TPRG1: variants seen among roughly 807,000 people sequenced by gnomAD.
The protein encoded by TPRG1 is tumor protein p63-regulated gene 1 protein.
A neutral mutation model predicts 29.3 loss-of-function variants in TPRG1; 29 were observed. That is an observed-to-expected ratio of 0.99 (90% confidence interval 0.74 to 1.35). TPRG1 has a LOEUF of 1.35. Ranked by LOEUF, TPRG1 falls within the 40% of genes most tolerant of loss-of-function variation. TPRG1 has a pLI of 0.00. For synonymous variants in TPRG1, 130 were observed against 116.8 expected (o/e 1.11, Z -0.73); for missense variants, 327 against 335.0 (o/e 0.98, Z 0.19).
chr3:189,187,279 CG>C (rs1281705587), intron 1 of TPRG1, among the ~76,000 whole-genome samples: 1 of 148,252 alleles, frequency 6.7e-6, no homozygotes, highest in East Asian at 2.0e-4. Context: ...TGAGCCACCC[CG>C]GCCAAGTTCA....
At chr3:189,116,833 GA>G (rs1721233698) in intron 1 of TPRG1, among the ~76,000 whole-genome samples, 1 of 152,168 alleles carries the variant, frequency 6.6e-6, no homozygotes, top group Non-Finnish European at 1.5e-5. Context: ...TAGTTTTCAA[GA>G]TAAAAAGAGT....
intron 1 of TPRG1, among the ~76,000 whole-genome samples, chr3:189,193,370 G>A (rs1308116570): frequency 6.6e-6 from 1 of 151,864 alleles, no homozygotes; most frequent in Non-Finnish European, 1.5e-5. Context: ...TTGACAGTTT[G>A]ACTACACTGT....
At chr3:189,011,924 C>T (rs1184627801) in intron 3 of TPRG1, among the ~76,000 whole-genome samples, 3 of 152,158 alleles carry the variant, frequency 2.0e-5, no homozygotes, top group African/African-American at 7.2e-5. Flanking sequence ...TGTGATTTGG[C>T]TCTCAGCTTG....
intron 4 of TPRG1, among the ~76,000 whole-genome samples, chr3:189,248,580 CT>C (rs1741698609): frequency 6.6e-6 from 1 of 150,898 alleles, no homozygotes; most frequent in Admixed American, 6.6e-5. Flanking sequence ...ATATATTAAG[CT>C]TTCTGACTCT....
intron 4 of TPRG1, among the ~76,000 whole-genome samples, chr3:189,089,952 G>A (rs1366440183): frequency 6.6e-6 from 1 of 151,750 alleles, no homozygotes; most frequent in Non-Finnish European, 1.5e-5. Context: ...GTCTTTTCAA[G>A]GAAGCAGCTA....
At chr3:189,193,142 T>TTTTC (rs922602569) in intron 1 of TPRG1, among the ~76,000 whole-genome samples, 2 of 146,186 alleles carry the variant, frequency 1.4e-5, no homozygotes, top group Non-Finnish European at 3.0e-5. Flanking sequence ...ATTTTTTTTT[T>TTTTC]TTTTTTTTTT....
At chr3:189,017,247 A>G (rs1712991546) in intron 3 of TPRG1, among the ~76,000 whole-genome samples, 1 of 149,136 alleles carries the variant, frequency 6.7e-6, no homozygotes, top group Admixed American at 6.7e-5. Flanking sequence ...ATATTATTAT[A>G]CTTTAAGTTT....
chr3:189,052,457 A>G (rs373049939), intron 4 of TPRG1, among the ~76,000 whole-genome samples: 4 of 152,182 alleles, frequency 2.6e-5, no homozygotes, highest in African/African-American at 9.7e-5. Flanking sequence ...ACTGGCATGG[A>G]TGTGGTTAAC....
At chr3:189,177,745 A>C (rs1293417666) in intron 1 of TPRG1, among the ~76,000 whole-genome samples, 1 of 152,126 alleles carries the variant, frequency 6.6e-6, no homozygotes. Flanking sequence ...TGTATCACCT[A>C]AATCACTTAG....
intron 4 of TPRG1, among the ~76,000 whole-genome samples, chr3:189,243,651 T>C (rs934748875): frequency 2.0e-5 from 3 of 152,192 alleles, no homozygotes; most frequent in Non-Finnish European, 4.4e-5. Flanking sequence ...CTCATATGTA[T>C]GAGTATAGGT....
chr3:189,093,756 C>T (rs909441385), intron 4 of TPRG1, among the ~76,000 whole-genome samples: 1 of 152,146 alleles, frequency 6.6e-6, no homozygotes, highest in Non-Finnish European at 1.5e-5. Flanking sequence ...TTGAAGCTCA[C>T]ACTCTTAAAA....
At chr3:189,284,880 C>T (rs1680640633) in intron 4 of TPRG1, among the ~76,000 whole-genome samples, 1 of 152,178 alleles carries the variant, frequency 6.6e-6, no homozygotes, top group Non-Finnish European at 1.5e-5. Flanking sequence ...TAGGCATGGA[C>T]AAGGACTTCA....
chr3:189,238,998 A>G lies in TPRG1; in HGVS notation c.479+89A>G, dbSNP rs7640523. On this transcript the variant is annotated intron_variant, in intron 4 of 5. Coordinates refer to ENST00000345063, the MANE Select transcript of TPRG1 (RefSeq NM_198485.4). ...CCGAAAATTCAGTTTGGCCCTGTAA[A>G]CTGGGAGAACCCAAGGGAGGATAGT... 0.059 allele frequency: 69,913 copies of G among 1,194,684 alleles called. 3,817 individuals carry two copies. The highest frequency in any genetic ancestry group is 0.27 in the African/African-American group (17,892 of 65,888). The allele number at this position is 1,194,684 out of a possible 1,614,324, so 74.0% of individuals were successfully genotyped here. A position where few individuals can be genotyped will look rare whatever the true frequency, so the allele number is the denominator to read the frequency against.
At chr3:189,183,422 T>A (rs1730504571) in intron 1 of TPRG1, among the ~76,000 whole-genome samples, 1 of 152,306 alleles carries the variant, frequency 6.6e-6, no homozygotes, top group South Asian at 2.1e-4. Flanking sequence ...CCATTGTCAT[T>A]GATAACATCT....
At chr3:189,280,792 T>A (rs2109135108) in intron 4 of TPRG1, among the ~76,000 whole-genome samples, 1 of 152,332 alleles carries the variant, frequency 6.6e-6, no homozygotes, top group Non-Finnish European at 1.5e-5. Flanking sequence ...AATGATACTA[T>A]CTGCATCATA....
At position 189,083,426 on chromosome 3, in the gene TPRG1, T is replaced by C. The variant is rs545940689; in HGVS notation, c.-462-43631T>C. Reference sequence around the variant, plus strand: ...CTTATGCATACTCTATCTGATCGACTGGTCCTTGGGCCTGTCACGCCATCT... The same window carrying C: ...CTTATGCATACTCTATCTGATCGACCGGTCCTTGGGCCTGTCACGCCATCT... On this transcript the variant is annotated intron_variant, in intron 4 of 10. Transcript: ENST00000433971. Among the ~76,000 whole-genome samples the C allele has an allele frequency of 1.4e-4, 22 of 152,316 alleles. No homozygotes were observed. The South Asian group carries it at 4.6e-3, about 32-fold the overall frequency.
intron 4 of TPRG1, among the ~76,000 whole-genome samples, chr3:189,279,360 AG>A (rs1164945335): frequency 1.3e-5 from 2 of 152,226 alleles, no homozygotes; most frequent in Non-Finnish European, 1.5e-5. Context: ...TGCAAATTCC[AG>A]GACATCAGGA....
intron 4 of TPRG1, among the ~76,000 whole-genome samples, chr3:189,262,886 C>A (rs1181041600): frequency 6.6e-6 from 1 of 152,216 alleles, no homozygotes; most frequent in African/African-American, 2.4e-5. Context: ...TGGCAGCTGG[C>A]CAGAGGTATC....
At chr3:189,024,996 G>C (rs190862012) in intron 4 of TPRG1, among the ~76,000 whole-genome samples, 30 of 152,358 alleles carry the variant, frequency 2.0e-4, no homozygotes, top group Admixed American at 1.8e-3. Flanking sequence ...TTTGGGAGGT[G>C]CTATGGAAGT....
Sources: allele counts gnomAD v4.1 joint callset (sites outside exome capture counted in the v4.1 genomes callset), GRCh38; gene constraint gnomAD v4.1.1; transcripts MANE v1.5; gene names NCBI Gene and HGNC (gene_info 2026-07-23, HGNC 2026-07-21).